Variants in SMIM10L3 observed in about 807,000 individuals in gnomAD.
SMIM10L3 encodes the protein small integral membrane protein 10 like 3.
At chr7:6,330,997 T>G in the SMIM10L3 span, 1 of 1,614,222 alleles carries the variant, frequency 6.2e-7, no homozygotes, top group Non-Finnish European at 8.5e-7. Flanking sequence ...TGAATTTCCA[T>G]CAACCACAGG....
the SMIM10L3 span, among the ~76,000 whole-genome samples, chr7:6,343,804 GGGCTCCCTAAACAAATTTGGAAAAT>G: frequency 6.6e-6 from 1 of 151,918 alleles, no homozygotes; most frequent in Non-Finnish European, 1.5e-5. Context: ...TAGGGAGGAG[GGGCTCCCTAAACAAATTTGGAAAAT>G]GGAGTTCCTT....
the SMIM10L3 span, among the ~76,000 whole-genome samples, chr7:6,332,321 G>C: frequency 6.6e-6 from 1 of 151,914 alleles, no homozygotes; most frequent in African/African-American, 2.4e-5. Context: ...AGTCTAATTA[G>C]TTTAATTAAA....
the SMIM10L3 span, among the ~76,000 whole-genome samples, chr7:6,340,965 TAA>T: frequency 6.9e-5 from 6 of 87,418 alleles, no homozygotes; most frequent in Non-Finnish European, 8.4e-5. Context: ...CTGTCTCTAC[TAA>T]AAAAAAAAAA....
the SMIM10L3 span, chr7:6,330,477 T>G: frequency 1.9e-6 from 3 of 1,614,186 alleles, no homozygotes; most frequent in Non-Finnish European, 2.5e-6. Flanking sequence ...TTTTCTTGAA[T>G]TCTATTGTTT....
At chr7:6,330,098 A>T in the SMIM10L3 span, 1 of 393,822 alleles carries the variant, frequency 2.5e-6, no homozygotes, top group Non-Finnish European at 4.7e-6. Flanking sequence ...GTAAATCCGT[A>T]TGTTCTAATC....
At chr7:6,332,421 T>C in the SMIM10L3 span, among the ~76,000 whole-genome samples, 1 of 152,220 alleles carries the variant, frequency 6.6e-6, no homozygotes, top group Non-Finnish European at 1.5e-5. Context: ...CTTTTGAGTG[T>C]TGTCTGAATT....
the SMIM10L3 span, chr7:6,331,235 C>G: frequency 1.4e-6 from 2 of 1,384,958 alleles, no homozygotes; most frequent in South Asian, 2.8e-5. Flanking sequence ...TCAATATGAA[C>G]CTAGGAAAGG....
At chr7:6,341,526 A>G in the SMIM10L3 span, among the ~76,000 whole-genome samples, 1 of 149,578 alleles carries the variant, frequency 6.7e-6, no homozygotes, top group Non-Finnish European at 1.5e-5. Flanking sequence ...CTACTAAAAA[A>G]AAATTTTTTT....
At chr7:6,337,134 C>T in the SMIM10L3 span, among the ~76,000 whole-genome samples, 1 of 151,330 alleles carries the variant, frequency 6.6e-6, no homozygotes, top group Non-Finnish European at 1.5e-5. Context: ...TGCAGTGGCG[C>T]AATCTCAGCT....
the SMIM10L3 span, among the ~76,000 whole-genome samples, chr7:6,346,160 C>T: frequency 6.6e-6 from 1 of 151,962 alleles, no homozygotes; most frequent in Admixed American, 6.6e-5. Context: ...AATACTGGGC[C>T]CCTATTTTCG....
At chr7:6,346,024 C>T in the SMIM10L3 span, among the ~76,000 whole-genome samples, 1,221 of 152,234 alleles carry the variant, frequency 8.0e-3, 12 homozygotes, top group East Asian at 0.053. Flanking sequence ...CTGCTTCAGC[C>T]TCCCAATATA....
At chr7:6,345,683 A>G in the SMIM10L3 span, among the ~76,000 whole-genome samples, 1 of 152,128 alleles carries the variant, frequency 6.6e-6, no homozygotes, top group East Asian at 1.9e-4. Context: ...CAAAAAGGGG[A>G]GTACAGGAGC....
the SMIM10L3 span, among the ~76,000 whole-genome samples, chr7:6,335,575 T>C: frequency 6.6e-6 from 1 of 152,252 alleles, no homozygotes; most frequent in South Asian, 2.1e-4. Context: ...GTTTAGTTCA[T>C]TCTTCTTTCT....
At chr7:6,348,519 G>A in the SMIM10L3 span, 3 of 412,674 alleles carry the variant, frequency 7.3e-6, no homozygotes, top group East Asian at 7.1e-5. Flanking sequence ...GCATCCCGCG[G>A]GCGAGGCGGG....
chr7:6,329,563 G>T, the SMIM10L3 span: 1 of 154,492 alleles, frequency 6.5e-6, no homozygotes. Flanking sequence ...CACTTTGGGA[G>T]TCTTTAAAAA....
the SMIM10L3 span, among the ~76,000 whole-genome samples, chr7:6,333,480 C>G: frequency 0.015 from 2,348 of 152,230 alleles, 77 homozygotes; most frequent in African/African-American, 0.053. Flanking sequence ...TAAGGAGGGA[C>G]AGACTAAAGT....
At chr7:6,335,557 ATGTCT>A in the SMIM10L3 span, among the ~76,000 whole-genome samples, 1 of 151,982 alleles carries the variant, frequency 6.6e-6, no homozygotes. Context: ...AAATATTAAA[ATGTCT>A]TGGTTTAGTT....
chr7:6,332,256 G>C, the SMIM10L3 span, among the ~76,000 whole-genome samples: 1 of 151,954 alleles, frequency 6.6e-6, no homozygotes, highest in Non-Finnish European at 1.5e-5. Context: ...TTACAACTCT[G>C]TCATTTGCCC....
the SMIM10L3 span, among the ~76,000 whole-genome samples, chr7:6,333,926 A>C: frequency 6.7e-6 from 1 of 148,920 alleles, no homozygotes; most frequent in Non-Finnish European, 1.5e-5. Flanking sequence ...AGCTCACTAA[A>C]AGCTCCACCT....
Sources: allele counts gnomAD v4.1 joint callset (sites outside exome capture counted in the v4.1 genomes callset), GRCh38; gene constraint gnomAD v4.1.1; transcripts MANE v1.5; gene names NCBI Gene and HGNC (gene_info 2026-07-23, HGNC 2026-07-21).